Variants in ASTN2 observed in about 807,000 individuals in gnomAD.
ASTN2 encodes astrotactin 2.
ASTN2 carries 54 observed loss-of-function variants against 139.8 expected under a neutral mutation model. The observed-to-expected ratio is 0.39, with a 90% confidence interval of 0.31 to 0.48. The LOEUF is 0.48. ASTN2 is among the 20% of genes least tolerant of loss of function. The pLI, the probability that ASTN2 is intolerant of heterozygous loss-of-function variation, is 0.95. For missense variants in ASTN2, 1,565 were observed against 1,725.1 expected, an observed-to-expected ratio of 0.91 and a Z score of 1.64; for synonymous variants, 756 against 719.5, an observed-to-expected ratio of 1.05 and a Z score of -0.81.
At chr9:117,116,597 A>G (rs62562239) in intron 4 of ASTN2, among the ~76,000 whole-genome samples, 1 of 145,130 alleles carries the variant, frequency 6.9e-6, no homozygotes, top group Non-Finnish European at 1.5e-5. Flanking sequence ...TTTTTTTTTA[A>G]TTCTGCACAA....
chr9:116,481,486 A>T (rs1849166321), intron 20 of ASTN2, among the ~76,000 whole-genome samples: 1 of 152,162 alleles, frequency 6.6e-6, no homozygotes, highest in African/African-American at 2.4e-5. Flanking sequence ...TCATAGGCCT[A>T]ATTTAAAATT....
At chr9:116,760,188 T>C (rs1270031448) in intron 13 of ASTN2, among the ~76,000 whole-genome samples, 1 of 152,220 alleles carries the variant, frequency 6.6e-6, no homozygotes. Flanking sequence ...CTGCCAAAAC[T>C]TCCCTGGGCT....
intron 3 of ASTN2, among the ~76,000 whole-genome samples, chr9:117,148,596 C>G (rs1830254566): frequency 6.6e-6 from 1 of 152,188 alleles, no homozygotes; most frequent in Admixed American, 6.5e-5. Flanking sequence ...TCCTATTCCA[C>G]TACTCCTCCC....
intron 10 of ASTN2, among the ~76,000 whole-genome samples, chr9:116,936,263 C>T (rs1301132186): frequency 1.4e-5 from 2 of 147,510 alleles, no homozygotes. Flanking sequence ...ACCACCACCA[C>T]CACTACCATC....
chr9:117,356,133 C>T (rs1324377907), intron 1 of ASTN2, among the ~76,000 whole-genome samples: 9 of 152,168 alleles, frequency 5.9e-5, no homozygotes, highest in Middle Eastern at 3.2e-3. Flanking sequence ...AAATGTCTCA[C>T]TCAAAGATAC....
chr9:116,933,474 G>A (rs1365489178), intron 10 of ASTN2, among the ~76,000 whole-genome samples: 1 of 152,098 alleles, frequency 6.6e-6, no homozygotes, highest in Non-Finnish European at 1.5e-5. Context: ...ATGTTTATGA[G>A]AAAGGCAAGC....
At chr9:117,229,704 T>C (rs952260051) in intron 2 of ASTN2, among the ~76,000 whole-genome samples, 2 of 152,064 alleles carry the variant, frequency 1.3e-5, no homozygotes, top group African/African-American at 4.8e-5. Context: ...CCCATATCGG[T>C]GAGGGGTCTG....
At chr9:116,724,977 T>C (rs1828576778) in intron 16 of ASTN2, among the ~76,000 whole-genome samples, 1 of 152,212 alleles carries the variant, frequency 6.6e-6, no homozygotes, top group Admixed American at 6.5e-5. Context: ...ACTCATTTTC[T>C]CATGTGTAAA....
At chr9:117,044,129 A>C (rs1838664999) in intron 5 of ASTN2, among the ~76,000 whole-genome samples, 1 of 152,136 alleles carries the variant, frequency 6.6e-6, no homozygotes, top group Non-Finnish European at 1.5e-5. Flanking sequence ...TTCCAAAAGA[A>C]ATAGTGGTGT....
At position 117,060,491 on chromosome 9, in the gene ASTN2, A is replaced by AGG. The variant is rs1199551502; in HGVS notation, c.1277-20527_1277-20526insCC. Among the ~76,000 whole-genome samples the AGG allele has an allele frequency of 2.8e-3, 224 of 78,930 alleles. 33 individuals are homozygous for AGG. The highest frequency in any genetic ancestry group is 0.012 in the African/African-American group (214 of 17,398). 51.8% of individuals were successfully genotyped at this position (78,930 alleles called of 152,430 possible). A position where few individuals can be genotyped will look rare whatever the true frequency, so the allele number is the denominator to read the frequency against. On this transcript the variant is annotated intron_variant, in intron 5 of 22. Coordinates refer to ENST00000313400, the MANE Select transcript of ASTN2 (RefSeq NM_001365068.1). ...AAGGAAGGAAGGAAGGAAGGAATGA[A>AGG]AGAAAGAAAGAAAGAAAGAAAGGAA...
At chr9:117,008,285 C>A in intron 6 of ASTN2, 26 bp from the exon 7 acceptor site, 2 of 1,555,280 alleles carry the variant, frequency 1.3e-6, no homozygotes, top group East Asian at 2.4e-5. Flanking sequence ...GAGACAGATA[C>A]TTTCTTACTG....
intron 19 of ASTN2, among the ~76,000 whole-genome samples, chr9:116,556,005 T>C (rs1852595994): frequency 6.6e-6 from 1 of 152,090 alleles, no homozygotes; most frequent in Non-Finnish European, 1.5e-5. Flanking sequence ...ATCCATCCAA[T>C]CCTCTCTTCA....
intron 2 of ASTN2, among the ~76,000 whole-genome samples, chr9:117,243,941 T>C (rs1422613337): frequency 3.3e-5 from 5 of 152,088 alleles, no homozygotes; most frequent in Non-Finnish European, 7.4e-5. Context: ...TGAATTGTAA[T>C]CCCCCTAATC....
intron 2 of ASTN2, among the ~76,000 whole-genome samples, chr9:117,256,244 C>A (rs1289062131): frequency 6.6e-6 from 1 of 152,142 alleles, no homozygotes; most frequent in Non-Finnish European, 1.5e-5. Context: ...TTCCAGAGAA[C>A]CTGCTCCTCT....
intron 19 of ASTN2, among the ~76,000 whole-genome samples, chr9:116,565,579 C>T (rs1853191931): frequency 6.6e-6 from 1 of 150,540 alleles, no homozygotes; most frequent in African/African-American, 2.4e-5. Context: ...AGTGATCTTC[C>T]CACCTCAGCC....
chr9:117,401,201 T>C (rs1830818289), intron 1 of ASTN2, among the ~76,000 whole-genome samples: 1 of 152,148 alleles, frequency 6.6e-6, no homozygotes, highest in Non-Finnish European at 1.5e-5. Context: ...TTTCTGCCCA[T>C]TTTGTCAGGA....
chr9:116,478,954 T>C (rs1202375486), intron 20 of ASTN2, among the ~76,000 whole-genome samples: 1 of 124,188 alleles, frequency 8.1e-6, no homozygotes, highest in African/African-American at 3.2e-5. Flanking sequence ...ATTGCACTAC[T>C]GCACTCCAGT....
chr9:116,875,232 T>G (rs1833266244), intron 10 of ASTN2, among the ~76,000 whole-genome samples: 1 of 152,230 alleles, frequency 6.6e-6, no homozygotes, highest in South Asian at 2.1e-4. Flanking sequence ...AAATTAGAAG[T>G]GCTACTTCTG....
At chr9:116,534,630 T>C (rs1031196842) in intron 19 of ASTN2, among the ~76,000 whole-genome samples, 21 of 152,236 alleles carry the variant, frequency 1.4e-4, no homozygotes, top group Non-Finnish European at 2.5e-4. Context: ...CCAGTAGTCA[T>C]TCAGGAACAG....
Sources: gnomAD v4.1 joint callset for allele counts (sites outside exome capture counted in the v4.1 genomes callset) on GRCh38, gnomAD v4.1.1 for gene constraint, MANE v1.5 for transcripts, NCBI Gene and HGNC (gene_info 2026-07-23, HGNC 2026-07-21) for gene names.